The following HDAC9 variants were observed in gnomAD, a reference collection of about 807,000 sequenced individuals.
HDAC9 encodes the protein MEF-2 interacting transcription repressor (MITR) protein.
In HDAC9, 41 loss-of-function variants were observed where a neutral mutation model predicts 139.4. The ratio of observed to expected loss-of-function variants is 0.29; its 90% CI spans 0.23 to 0.38. HDAC9 has a LOEUF of 0.38. Among genes scored for constraint, HDAC9 ranks in the 10% least tolerant of loss-of-function variants. The pLI is 1.00. For synonymous variants in HDAC9, 517 were observed against 476.2 expected (o/e 1.09, Z -1.12); for missense variants, 1,147 against 1,297.0 (o/e 0.88, Z 1.78).
At chr7:18,315,843 A>C (rs1249994845) in intron 1 of HDAC9, among the ~76,000 whole-genome samples, 1 of 152,246 alleles carries the variant, frequency 6.6e-6, no homozygotes, top group African/African-American at 2.4e-5. Context: ...AGAGCCAGTC[A>C]CAAACTGGGT....
intron 1 of HDAC9, among the ~76,000 whole-genome samples, chr7:18,442,034 T>G (rs1791822937): frequency 6.6e-6 from 1 of 152,272 alleles, no homozygotes; most frequent in African/African-American, 2.4e-5. Context: ...CCTCCCAAAG[T>G]GCTAGGATTA....
intron 11 of HDAC9, among the ~76,000 whole-genome samples, chr7:18,653,544 G>A (rs1446346462): frequency 2.0e-5 from 3 of 151,952 alleles, no homozygotes; most frequent in South Asian, 2.1e-4. Flanking sequence ...GCCAAGGTTC[G>A]GTCTAGATAT....
At chr7:18,658,629 C>G (rs1282974870) in intron 11 of HDAC9, among the ~76,000 whole-genome samples, 1 of 152,014 alleles carries the variant, frequency 6.6e-6, no homozygotes, top group East Asian at 1.9e-4. Context: ...TTTGGTTCAT[C>G]TGATTACTTC....
At chr7:18,234,561 G>A (rs17346538) in intron 2 of HDAC9, among the ~76,000 whole-genome samples, 1 of 152,164 alleles carries the variant, frequency 6.6e-6, no homozygotes, top group East Asian at 1.9e-4. Flanking sequence ...ATATGCCATC[G>A]TTTTGCAGAT....
intron 1 of HDAC9, among the ~76,000 whole-genome samples, chr7:18,384,126 C>T (rs1416168404): frequency 1.3e-5 from 2 of 151,954 alleles, no homozygotes; most frequent in Admixed American, 1.3e-4. Context: ...ATCTAGGCAA[C>T]ATAGGAAGAT....
chr7:18,418,883 G>A lies in HDAC9; in HGVS notation c.-41-77379G>A, dbSNP rs553823927. Among the ~76,000 whole-genome samples the A allele has an allele frequency of 1.3e-4, 20 of 152,116 alleles. No individual in the cohort carries two copies. The South Asian group carries it at 4.1e-3, about 32-fold the overall frequency. ...AGTCTGGAAACAACTGTTTGTATACGCTCAAATACTTTACCCATTTTTATT... is the reference window on the plus strand; with the variant it reads ...AGTCTGGAAACAACTGTTTGTATACACTCAAATACTTTACCCATTTTTATT... On this transcript the variant is annotated intron_variant, in intron 1 of 3. Transcript: ENST00000413509.
intron 15 of HDAC9, among the ~76,000 whole-genome samples, chr7:18,765,600 A>G (rs2129159775): frequency 6.6e-6 from 1 of 152,316 alleles, no homozygotes; most frequent in East Asian, 1.9e-4. Flanking sequence ...GTGAGACTCC[A>G]TCTCAAAAAA....
intron 1 of HDAC9, among the ~76,000 whole-genome samples, chr7:18,312,753 A>G (rs17418807): frequency 0.023 from 3,462 of 152,202 alleles, 52 homozygotes; most frequent in Middle Eastern, 0.037. Context: ...TTAGATGGCT[A>G]TTTTTAGCTT....
chr7:18,290,632 C>T, intron 1 of HDAC9: 1 of 423,422 alleles, frequency 2.4e-6, no homozygotes. Flanking sequence ...GAAAGATAAA[C>T]TTGTCATGCG....
chr7:18,769,353 T>C (rs1029905052), intron 16 of HDAC9, among the ~76,000 whole-genome samples: 3 of 152,132 alleles, frequency 2.0e-5, no homozygotes, highest in Non-Finnish European at 4.4e-5. Flanking sequence ...TCAAACATAA[T>C]GCACAGTGTG....
intron 11 of HDAC9, among the ~76,000 whole-genome samples, chr7:18,649,813 G>A (rs956427313): frequency 1.1e-4 from 16 of 152,138 alleles, no homozygotes; most frequent in African/African-American, 3.1e-4. Flanking sequence ...CCATGCTTCC[G>A]AACAGAAAGT....
intron 2 of HDAC9, among the ~76,000 whole-genome samples, chr7:18,538,527 C>T (rs984240559): frequency 1.2e-4 from 18 of 152,172 alleles, no homozygotes; most frequent in African/African-American, 4.1e-4. Context: ...CCCTTACTAA[C>T]TAATAGCTAT....
At chr7:18,363,648 GT>G (rs138540788) in intron 1 of HDAC9, among the ~76,000 whole-genome samples, 3,761 of 152,200 alleles carry the variant, frequency 0.025, 68 homozygotes, top group East Asian at 0.035. Flanking sequence ...AAATGGAGAT[GT>G]TTTCTGTTTC....
intron 2 of HDAC9, among the ~76,000 whole-genome samples, chr7:18,246,463 AT>A (rs762283406): frequency 5.3e-5 from 8 of 152,076 alleles, no homozygotes; most frequent in Non-Finnish European, 7.4e-5. Context: ...GTTCCAGAAC[AT>A]TTTTATCACC....
At chr7:18,242,135 A>G (rs1032170807) in intron 2 of HDAC9, among the ~76,000 whole-genome samples, 2 of 151,584 alleles carry the variant, frequency 1.3e-5, no homozygotes, top group Non-Finnish European at 2.9e-5. Flanking sequence ...TCCCCAATAC[A>G]CAGCATTCTA....
intron 21 of HDAC9, among the ~76,000 whole-genome samples, chr7:18,860,165 A>G (rs1328881971): frequency 6.6e-6 from 1 of 151,990 alleles, no homozygotes; most frequent in Non-Finnish European, 1.5e-5. Flanking sequence ...ATAACAAAAA[A>G]TAGGCACATA....
intron 6 of HDAC9, among the ~76,000 whole-genome samples, chr7:18,616,039 G>GGGCTGTCCCATCCTCGTGGCCACTA (rs1349301017): frequency 2.0e-5 from 3 of 152,072 alleles, no homozygotes; most frequent in Admixed American, 6.6e-5. Flanking sequence ...CTCTAGCTGT[G>GGGCTGTCCCATCCTCGTGGCCACTA]GGCTGTCCCA....
intron 1 of HDAC9, among the ~76,000 whole-genome samples, chr7:18,310,825 CA>C (rs1799263969): frequency 6.6e-6 from 1 of 151,210 alleles, no homozygotes; most frequent in African/African-American, 2.4e-5. Flanking sequence ...CACACACACA[CA>C]CACACACACA....
chr7:18,172,390 CA>C (rs1418748183), intron 2 of HDAC9, among the ~76,000 whole-genome samples: 1 of 151,972 alleles, frequency 6.6e-6, no homozygotes, highest in Non-Finnish European at 1.5e-5. Flanking sequence ...TTGATCTTTT[CA>C]AAAAACCAGC....
Sources: allele counts gnomAD v4.1 joint callset (sites outside exome capture counted in the v4.1 genomes callset), GRCh38; gene constraint gnomAD v4.1.1; transcripts MANE v1.5; gene names NCBI Gene and HGNC (gene_info 2026-07-23, HGNC 2026-07-21).